The following FUT9 variants were observed in gnomAD, a reference collection of about 807,000 sequenced individuals.
FUT9 encodes 4-galactosyl-N-acetylglucosaminide 3-alpha-L-fucosyltransferase 9.
FUT9 carries 15 observed loss-of-function variants against 29.7 expected under a neutral mutation model. The ratio of observed to expected loss-of-function variants is 0.51; its 90% CI spans 0.34 to 0.78. FUT9 has a LOEUF of 0.78. Among genes scored for constraint, FUT9 ranks in the 30% least tolerant of loss-of-function variants. The pLI is 0.01. For missense variants in FUT9, 319 were observed against 425.4 expected (o/e 0.75, Z 2.20); for synonymous variants, 169 against 153.7 (o/e 1.10, Z -0.74).
chr6:96,145,060 A>ATTTG (rs1008756754), intron 2 of FUT9, among the ~76,000 whole-genome samples: 2 of 151,546 alleles, frequency 1.3e-5, no homozygotes, highest in African/African-American at 4.9e-5. Context: ...TTATTTATTT[A>ATTTG]TTTGTTTGTT....
chr6:96,171,524 C>T (rs1327680676), intron 2 of FUT9, among the ~76,000 whole-genome samples: 2 of 152,134 alleles, frequency 1.3e-5, no homozygotes, highest in African/African-American at 2.4e-5. Flanking sequence ...GACGCTCTTC[C>T]TCCTCTTGTA....
intron 2 of FUT9, among the ~76,000 whole-genome samples, chr6:96,186,402 T>A (rs10457974): frequency 0.91 from 138,638 of 152,092 alleles, 64,569 homozygotes; most frequent in Non-Finnish European, 1. Context: ...GTCATAGCAA[T>A]GCCCCATCTA....
chr6:96,175,722 T>G (rs1039654541), intron 2 of FUT9, among the ~76,000 whole-genome samples: 1 of 152,208 alleles, frequency 6.6e-6, no homozygotes, highest in Non-Finnish European at 1.5e-5. Context: ...AACCAGCGAT[T>G]GCAAACTTTC....
At position 96,191,063 on chromosome 6, in the gene FUT9, G is replaced by A. The variant is rs569841073; in HGVS notation, c.-8-12085G>A. On this transcript the variant is annotated intron_variant, in intron 2 of 2. Coordinates refer to ENST00000302103, the MANE Select transcript of FUT9 (RefSeq NM_006581.4). ...TTCTCTACCTTTGGTCTTTGATGAT[G>A]GTGACATACAGATGGGGTTTTGGTG... 5.9e-5 allele frequency among the ~76,000 whole-genome samples: 9 copies of A among 152,154 alleles called. No homozygotes were observed. The South Asian group carries it at 1.9e-3, about 32-fold the overall frequency.
chr6:96,061,079 T>A (rs75424626), intron 1 of FUT9, among the ~76,000 whole-genome samples: 2 of 151,950 alleles, frequency 1.3e-5, no homozygotes, highest in East Asian at 3.9e-4. Context: ...AGTTTACTAG[T>A]AATTCCATGG....
At chr6:96,024,057 A>G (rs1421463123) in intron 1 of FUT9, among the ~76,000 whole-genome samples, 4 of 151,888 alleles carry the variant, frequency 2.6e-5, no homozygotes, top group Non-Finnish European at 5.9e-5. Flanking sequence ...AGTACATGGA[A>G]TTGGCCCAAA....
At chr6:96,163,353 A>G (rs920238171) in intron 2 of FUT9, among the ~76,000 whole-genome samples, 2 of 150,354 alleles carry the variant, frequency 1.3e-5, no homozygotes, top group African/African-American at 2.4e-5. Context: ...ATGGCCTGAG[A>G]AGGACTCCAT....
chr6:96,105,121 A>G (rs1399042189), intron 1 of FUT9, among the ~76,000 whole-genome samples: 1 of 152,240 alleles, frequency 6.6e-6, no homozygotes, highest in Non-Finnish European at 1.5e-5. Context: ...CTGAAATTCA[A>G]GTTTTAAAAT....
chr6:96,154,004 C>G (rs1040049296), intron 2 of FUT9, among the ~76,000 whole-genome samples: 3 of 152,064 alleles, frequency 2.0e-5, no homozygotes, highest in African/African-American at 7.2e-5. Context: ...ATGTTTCTGC[C>G]ACATTAACCT....
chr6:96,035,586 G>A (rs2127929021), intron 1 of FUT9, among the ~76,000 whole-genome samples: 1 of 143,782 alleles, frequency 7.0e-6, no homozygotes, highest in South Asian at 2.1e-4. Context: ...TTACCCAGGA[G>A]AACTTCAAAA....
Position 96,015,992 on chromosome 6 carries a change from A to T in FUT9, c.-318A>T, listed in dbSNP as rs1402890628. ...CAGCGGCAGTAGCTGTAGCAGCTTC[A>T]GCGAAGCCGGAGATGGGCAGAGAGC... On this transcript the variant is annotated 5_prime_UTR_variant, in exon 1 of 3. Transcript: ENST00000302103. 4 of 149,566 alleles carry T rather than the reference A, an allele frequency of 2.7e-5. No individual in the cohort carries two copies. The highest frequency in any genetic ancestry group is 9.9e-5 in the African/African-American group (4 of 40,268). 9.3% of individuals were successfully genotyped at this position (149,566 alleles called of 1,614,324 possible).
intron 1 of FUT9, among the ~76,000 whole-genome samples, chr6:96,022,544 C>T (rs1354336843): frequency 6.6e-6 from 1 of 151,838 alleles, no homozygotes; most frequent in African/African-American, 2.4e-5. Flanking sequence ...AAATCATGGT[C>T]AGAGCTTTCT....
intron 1 of FUT9, among the ~76,000 whole-genome samples, chr6:96,104,954 A>G (rs1771650563): frequency 6.6e-6 from 1 of 152,234 alleles, no homozygotes; most frequent in Non-Finnish European, 1.5e-5. Flanking sequence ...AGAACAAATA[A>G]GAACAAAGAT....
intron 2 of FUT9, among the ~76,000 whole-genome samples, chr6:96,188,660 T>C (rs1171244888): frequency 6.6e-6 from 1 of 151,056 alleles, no homozygotes. Flanking sequence ...TGTGTGTGTG[T>C]GTTTAAACAC....
chr6:96,200,914 T>C (rs1373223986), intron 2 of FUT9, among the ~76,000 whole-genome samples: 1 of 152,060 alleles, frequency 6.6e-6, no homozygotes, highest in Non-Finnish European at 1.5e-5. Flanking sequence ...TCACGATCTA[T>C]TTCTAATATT....
intron 1 of FUT9, among the ~76,000 whole-genome samples, chr6:96,109,462 C>G (rs1291326951): frequency 6.6e-6 from 1 of 152,140 alleles, no homozygotes; most frequent in African/African-American, 2.4e-5. Flanking sequence ...ACTAAAGTAT[C>G]TTGCATAAAG....
intron 2 of FUT9, among the ~76,000 whole-genome samples, chr6:96,123,306 C>CA (rs957890203): frequency 2.6e-5 from 4 of 152,004 alleles, no homozygotes; most frequent in East Asian, 1.9e-4. Context: ...ATATCTTAAA[C>CA]AAAAAAACCC....
intron 1 of FUT9, among the ~76,000 whole-genome samples, chr6:96,090,783 A>G (rs752824008): frequency 3.9e-5 from 6 of 152,002 alleles, no homozygotes; most frequent in Non-Finnish European, 5.9e-5. Flanking sequence ...AGACACACTC[A>G]TTGGTCATAT....
Position 96,206,392 on chromosome 6 carries a change from T to G in FUT9, c.*2157T>G, listed in dbSNP as rs180934478. On this transcript the variant is annotated 3_prime_UTR_variant, in exon 3 of 3. Transcript: ENST00000302103. ...CATTTACATTTACTTTGTCAAATTT[T>G]TTGGTCTATAAAAAGCATAGAGATC... is the stretch of plus-strand genomic sequence containing the variant. 4.2e-5 allele frequency: 7 copies of G among 167,198 alleles called. No homozygotes were observed. The highest frequency in any genetic ancestry group is 2.0e-4 in the Admixed American group (3 of 15,300). The allele number at this position is 167,198 out of a possible 1,614,324, so 10.4% of individuals were successfully genotyped here.
Sources: gnomAD v4.1 joint callset for allele counts (sites outside exome capture counted in the v4.1 genomes callset) on GRCh38, gnomAD v4.1.1 for gene constraint, MANE v1.5 for transcripts, NCBI Gene and HGNC (gene_info 2026-07-23, HGNC 2026-07-21) for gene names.